The following HTR2C variants were observed in gnomAD, a reference collection of about 807,000 sequenced individuals.
HTR2C encodes 5-hydroxytryptamine receptor 2C, also known as 5-hydroxytryptamine (serotonin) receptor 2C, G protein-coupled.
A neutral mutation model predicts 21.0 loss-of-function variants in HTR2C; 5 were observed. The observed-to-expected ratio is 0.24, with a 90% CI of 0.12 to 0.50. HTR2C has a LOEUF of 0.50. Among genes scored for constraint, HTR2C ranks in the 20% least tolerant of loss-of-function variants. The probability of loss-of-function intolerance (pLI) is 0.98; values close to 1 mark genes in which losing one functional copy is unlikely to be tolerated. For synonymous variants in HTR2C, 150 were observed against 145.3 expected (o/e 1.03, Z -0.23); for missense variants, 271 against 371.2 (o/e 0.73, Z 2.22).
chrX:114,623,909 T>G (rs1396979195), intron 2 of HTR2C, among the ~76,000 whole-genome samples: 65 of 92,303 alleles, frequency 7.0e-4, no homozygotes, highest in African/African-American at 2.5e-3. Flanking sequence ...TGTTGTTGTT[T>G]TTTTTTTTTT....
At chrX:114,594,196 TG>T (rs1413682893) in intron 1 of HTR2C, among the ~76,000 whole-genome samples, 1 of 111,937 alleles carries the variant, frequency 8.9e-6, no homozygotes, top group Non-Finnish European at 1.9e-5. Context: ...AACACTCTCC[TG>T]CATTTTCAGA....
At chrX:114,643,231 C>A (rs1394585660) in intron 2 of HTR2C, among the ~76,000 whole-genome samples, 1 of 104,244 alleles carries the variant, frequency 9.6e-6, no homozygotes, top group Non-Finnish European at 2.0e-5. Context: ...AAAGTAATTG[C>A]TGTCTTTGCC....
chrX:114,807,069 A>ACC (rs372724512), intron 4 of HTR2C, among the ~76,000 whole-genome samples: 1,534 of 30,495 alleles, frequency 0.05, 602 homozygotes, highest in Non-Finnish European at 0.12. Context: ...CCATATATAT[A>ACC]CCATATATAC....
At chrX:114,768,925 T>C (rs1217740062) in intron 4 of HTR2C, among the ~76,000 whole-genome samples, 1 of 111,320 alleles carries the variant, frequency 9.0e-6, no homozygotes, top group Non-Finnish European at 1.9e-5. Flanking sequence ...AATTTACACT[T>C]TGAAGTAAAC....
intron 2 of HTR2C, among the ~76,000 whole-genome samples, chrX:114,645,465 AGG>A (rs1556407357): frequency 9.5e-6 from 1 of 104,920 alleles, no homozygotes; most frequent in African/African-American, 3.3e-5. Context: ...AAGGAGAGAG[AGG>A]GAGAACGTAA....
chrX:114,741,425 A>C (rs1367516869), intron 4 of HTR2C, among the ~76,000 whole-genome samples: 1 of 101,741 alleles, frequency 9.8e-6, no homozygotes, highest in African/African-American at 3.5e-5. Context: ...AGACTGAGGC[A>C]GAATTGCTTG....
At chrX:114,695,887 A>G (rs1326808583) in intron 2 of HTR2C, among the ~76,000 whole-genome samples, 2 of 112,012 alleles carry the variant, frequency 1.8e-5, no homozygotes, top group Non-Finnish European at 3.8e-5. Flanking sequence ...TAAATGCACA[A>G]TTATAATAAT....
chrX:114,667,425 A>G (rs1439214093), intron 2 of HTR2C, among the ~76,000 whole-genome samples: 1 of 111,252 alleles, frequency 9.0e-6, no homozygotes, highest in East Asian at 2.8e-4. Context: ...AATCTGACAT[A>G]AACAATTTAA....
At chrX:114,662,266 ATATTAT>A (rs782789307) in intron 2 of HTR2C, among the ~76,000 whole-genome samples, 1 of 111,622 alleles carries the variant, frequency 9.0e-6, no homozygotes, top group East Asian at 2.8e-4. Context: ...TTTTATAATG[ATATTAT>A]TATTATAAAA....
intron 2 of HTR2C, among the ~76,000 whole-genome samples, chrX:114,669,899 A>G (rs959095167): frequency 1.3e-4 from 15 of 112,152 alleles, no homozygotes; most frequent in Middle Eastern, 4.6e-3. Flanking sequence ...TGAGAAAACA[A>G]TCATAGAGAA....
At chrX:114,601,507 C>T (rs905402182) in intron 1 of HTR2C, among the ~76,000 whole-genome samples, 1 of 107,468 alleles carries the variant, frequency 9.3e-6, no homozygotes, top group Non-Finnish European at 1.9e-5. Context: ...CTTTTTGAGC[C>T]AGGATGAGCC....
intron 3 of HTR2C, 27 bp from the exon 4 acceptor site, chrX:114,731,267 A>AT: frequency 7.4e-6 from 8 of 1,076,070 alleles, no homozygotes; most frequent in Non-Finnish European, 1.0e-5. Flanking sequence ...TATGTACCTG[A>AT]TTGTTTTTTT....
At chrX:114,786,799 C>T (rs2070178842) in intron 4 of HTR2C, among the ~76,000 whole-genome samples, 1 of 111,528 alleles carries the variant, frequency 9.0e-6, no homozygotes, top group Non-Finnish European at 1.9e-5. Context: ...TAACAGCCTA[C>T]TTCTCCTTAG....
At chrX:114,659,535 G>A (rs781825019) in intron 2 of HTR2C, among the ~76,000 whole-genome samples, 3 of 111,000 alleles carry the variant, frequency 2.7e-5, no homozygotes. Flanking sequence ...TAATTGGCCA[G>A]TACTCATTAA....
chrX:114,685,029 C>T (rs1453338068), intron 2 of HTR2C, among the ~76,000 whole-genome samples: 5 of 107,049 alleles, frequency 4.7e-5, no homozygotes, highest in African/African-American at 1.6e-4. Context: ...GAAACAAGAG[C>T]AGTAATACAA....
intron 2 of HTR2C, among the ~76,000 whole-genome samples, chrX:114,672,249 G>A (rs1393971574): frequency 9.0e-6 from 1 of 111,351 alleles, no homozygotes; most frequent in African/African-American, 3.3e-5. Context: ...AAAATTACAT[G>A]GGTATGGTGA....
intron 4 of HTR2C, among the ~76,000 whole-genome samples, chrX:114,831,536 G>C (rs1312257569): frequency 8.9e-5 from 8 of 89,742 alleles, no homozygotes; most frequent in African/African-American, 2.8e-4. Flanking sequence ...CCCACTTTTT[G>C]ATGGGGTTGT....
chrX:114,673,538 C>T (rs1355760087), intron 2 of HTR2C, among the ~76,000 whole-genome samples: 3 of 111,220 alleles, frequency 2.7e-5, no homozygotes, highest in Non-Finnish European at 5.7e-5. Context: ...TATTATTTGG[C>T]ATTTGATATT....
At chrX:114,680,870 A>AT (rs1156608520) in intron 2 of HTR2C, among the ~76,000 whole-genome samples, 4 of 111,330 alleles carry the variant, frequency 3.6e-5, no homozygotes, top group Non-Finnish European at 5.7e-5. Flanking sequence ...TTTAATGTTA[A>AT]TTTTTTTTAA....
Sources: allele counts gnomAD v4.1 joint callset (sites outside exome capture counted in the v4.1 genomes callset), GRCh38; gene constraint gnomAD v4.1.1; transcripts MANE v1.5; gene names NCBI Gene and HGNC (gene_info 2026-07-23, HGNC 2026-07-21).